Variants in CFAP299 observed in about 807,000 individuals in gnomAD.
CFAP299 encodes the protein cilia- and flagella-associated protein 299.
Under a neutral mutation model 27.0 loss-of-function variants are expected in CFAP299, and 21 were observed. The observed-to-expected ratio is 0.78, with a 90% CI of 0.55 to 1.12. CFAP299 has a LOEUF of 1.12. Among genes scored for constraint, CFAP299 ranks in the 50% most tolerant of loss-of-function variants. The pLI, the probability that CFAP299 is intolerant of heterozygous loss-of-function variation, is 0.00. For synonymous variants in CFAP299, 104 were observed against 98.1 expected (o/e 1.06, Z -0.36); for missense variants, 310 against 276.6 (o/e 1.12, Z -0.86).
intron 2 of CFAP299, among the ~76,000 whole-genome samples, chr4:80,473,832 TCCTCCCACCTTGG>T (rs1730136452): frequency 6.6e-6 from 1 of 152,136 alleles, no homozygotes; most frequent in African/African-American, 2.4e-5. Flanking sequence ...GCTGAAGCAA[TCCTCCCACCTTGG>T]CCTCCCAAAG....
intron 4 of CFAP299, among the ~76,000 whole-genome samples, chr4:80,878,333 C>T (rs1179103006): frequency 6.6e-6 from 1 of 151,994 alleles, no homozygotes; most frequent in African/African-American, 2.4e-5. Context: ...ACTCATTTCT[C>T]TTATCTGTGT....
chr4:80,707,059 G>C (rs1474142770), intron 3 of CFAP299, among the ~76,000 whole-genome samples: 1 of 151,924 alleles, frequency 6.6e-6, no homozygotes, highest in East Asian at 1.9e-4. Context: ...CTTAAGCAAA[G>C]TGCTTTTTCT....
chr4:80,838,604 T>C (rs1730693279), intron 3 of CFAP299, among the ~76,000 whole-genome samples: 1 of 152,114 alleles, frequency 6.6e-6, no homozygotes, highest in Admixed American at 6.6e-5. Context: ...AGGCCTCTGT[T>C]CTGTTCCTTT....
rs151231582 is a variant in CFAP299 at position 80,554,924 on chromosome 4, A to G, written c.243-28169A>G. ...GCCAAGACAATGGGGTTTTCTAGAT[A>G]TAGAATCATGTCATCTGCAAACAGG... On this transcript the variant is annotated intron_variant, in intron 2 of 5. Transcript: ENST00000358105. Among the ~76,000 whole-genome samples, 52 of 152,292 alleles carry G rather than the reference A, an allele frequency of 3.4e-4. No individual in the cohort carries two copies. In the East Asian group the frequency reaches 9.3e-3, roughly 27 times the overall value.
chr4:80,919,868 C>T (rs142825336), intron 4 of CFAP299, among the ~76,000 whole-genome samples: 2 of 152,216 alleles, frequency 1.3e-5, no homozygotes, highest in East Asian at 3.9e-4. Flanking sequence ...ACATCATTTG[C>T]ACAAGCAAGG....
intron 3 of CFAP299, among the ~76,000 whole-genome samples, chr4:80,757,181 C>A (rs1341532131): frequency 6.6e-6 from 1 of 151,848 alleles, no homozygotes; most frequent in African/African-American, 2.4e-5. Flanking sequence ...GGTAAGTCAG[C>A]TTTTAGGCTC....
chr4:80,843,857 C>T (rs1251688231), intron 3 of CFAP299, among the ~76,000 whole-genome samples: 1 of 152,094 alleles, frequency 6.6e-6, no homozygotes, highest in Non-Finnish European at 1.5e-5. Flanking sequence ...GTGCGCCGCA[C>T]CCATTAACTC....
At chr4:80,601,049 A>G (rs1577917785) in intron 3 of CFAP299, among the ~76,000 whole-genome samples, 1 of 152,166 alleles carries the variant, frequency 6.6e-6, no homozygotes, top group South Asian at 2.1e-4. Context: ...AGACTCATAT[A>G]TGAGAGTGTT....
intron 3 of CFAP299, among the ~76,000 whole-genome samples, chr4:80,861,824 A>G (rs1211370130): frequency 6.6e-6 from 1 of 152,210 alleles, no homozygotes; most frequent in Non-Finnish European, 1.5e-5. Flanking sequence ...CATAAAACCC[A>G]TCTTTTCTGT....
rs139886673 is a variant in CFAP299 at position 80,817,807 on chromosome 4, C to A, written c.334-52186C>A. On this transcript the variant is annotated intron_variant, in intron 3 of 5. Transcript: ENST00000358105. ...TTTCTCCTTGTGGCATTATTTTCTT[C>A]TAATGCTCTTATAGTTTTCTTTTTT... Among the ~76,000 whole-genome samples the A allele has an allele frequency of 1.8e-3, 276 of 150,818 alleles. 1 individual carries two copies. Among genetic ancestry groups the A allele is most frequent in the African/African-American group, 6.3e-3 (257 of 41,064 alleles).
chr4:80,386,619 C>T, intron 2 of CFAP299: 1 of 1,598,438 alleles, frequency 6.3e-7, no homozygotes, highest in Non-Finnish European at 8.6e-7. Flanking sequence ...TTGGCACAGC[C>T]AGCATAGCGG....
chr4:80,597,074 G>T (rs1197157641), intron 3 of CFAP299, among the ~76,000 whole-genome samples: 3 of 151,758 alleles, frequency 2.0e-5, no homozygotes, highest in Admixed American at 2.0e-4. Flanking sequence ...GTTTCTATTG[G>T]TTATATACCT....
At chr4:80,797,608 T>C (rs1241774230) in intron 3 of CFAP299, among the ~76,000 whole-genome samples, 1 of 152,116 alleles carries the variant, frequency 6.6e-6, no homozygotes, top group Non-Finnish European at 1.5e-5. Context: ...ATTATTCCCA[T>C]TGTATTTAAA....
chr4:80,512,097 A>G (rs1296013029), intron 2 of CFAP299, among the ~76,000 whole-genome samples: 2 of 152,136 alleles, frequency 1.3e-5, no homozygotes, highest in African/African-American at 4.8e-5. Flanking sequence ...AGCACTTTTT[A>G]ACACTTTTAT....
At chr4:80,495,619 C>T (rs1214762424) in intron 2 of CFAP299, among the ~76,000 whole-genome samples, 1 of 152,154 alleles carries the variant, frequency 6.6e-6, no homozygotes, top group Non-Finnish European at 1.5e-5. Context: ...CTGGACAACA[C>T]AAACCCTATC....
intron 3 of CFAP299, among the ~76,000 whole-genome samples, chr4:80,677,445 G>A (rs1275615836): frequency 4.6e-5 from 7 of 151,906 alleles, no homozygotes; most frequent in Admixed American, 1.3e-4. Flanking sequence ...ATGTATTTTT[G>A]TGGGGATAAT....
At chr4:80,955,003 A>C (rs1199856290) in intron 5 of CFAP299, among the ~76,000 whole-genome samples, 2 of 95,326 alleles carry the variant, frequency 2.1e-5, no homozygotes, top group African/African-American at 4.1e-5. Flanking sequence ...CCATCAAAAA[A>C]AAAAAAAAAA....
intron 3 of CFAP299, among the ~76,000 whole-genome samples, chr4:80,738,235 A>G (rs972348695): frequency 1.3e-5 from 2 of 152,144 alleles, no homozygotes; most frequent in Non-Finnish European, 2.9e-5. Context: ...TAAATATCTA[A>G]TAGGTACATT....
At chr4:80,723,210 A>C (rs1294174358) in intron 3 of CFAP299, among the ~76,000 whole-genome samples, 2 of 152,224 alleles carry the variant, frequency 1.3e-5, no homozygotes, top group African/African-American at 4.8e-5. Context: ...AAGGTTAAAC[A>C]TACACCTACC....
Sources: gnomAD v4.1 joint callset for allele counts (sites outside exome capture counted in the v4.1 genomes callset) on GRCh38, gnomAD v4.1.1 for gene constraint, MANE v1.5 for transcripts, NCBI Gene and HGNC (gene_info 2026-07-23, HGNC 2026-07-21) for gene names.